RDH10: variants seen among roughly 807,000 people sequenced by gnomAD.
RDH10 encodes the protein retinol dehydrogenase 10 (all-trans).
In RDH10, 12 loss-of-function variants were observed where a neutral mutation model predicts 30.2. The observed-to-expected ratio is 0.40, with a 90% CI of 0.25 to 0.64. RDH10 has a LOEUF of 0.64. RDH10 is among the 30% of genes least tolerant of loss of function. RDH10 has a pLI of 0.43. For synonymous variants in RDH10, 189 were observed against 172.2 expected (o/e 1.10, Z -0.76); for missense variants, 268 against 445.2 (o/e 0.60, Z 3.58).
At position 73,295,332 on chromosome 8, in the gene RDH10, C is replaced by T. The variant is rs1814241446; in HGVS notation, c.43C>T (p.Leu15Phe). ...GTTCTTCGTGGTCACTTTCAAAGTG[C>T]TCTGGGCGTTCGTGCTGGCCGCGGC... Reference protein sequence around the residue: ...VEFFVVTFKVLWAFVLAAARW... With the variant: ...VEFFVVTFKVFWAFVLAAARW... Residue 15 changes from leucine (L) to phenylalanine (F), a missense_variant, in exon 1 of 6, where the codon CTC becomes TTC. Leu to Phe is a conservative substitution (Grantham distance 22, BLOSUM62 0). Transcript: ENST00000240285. 1.9e-6 allele frequency: 3 copies of T among 1,565,358 alleles called. No individual in the cohort carries two copies. The highest frequency in any genetic ancestry group is 2.6e-6 in the Non-Finnish European group (3 of 1,156,722).
At chr8:73,310,706 T>A (rs1318228487) in intron 2 of RDH10, among the ~76,000 whole-genome samples, 1 of 152,234 alleles carries the variant, frequency 6.6e-6, no homozygotes, top group Non-Finnish European at 1.5e-5. Context: ...GTTATTTTCA[T>A]TATTCCATAA....
intron 2 of RDH10, among the ~76,000 whole-genome samples, chr8:73,318,050 G>C (rs1321904580): frequency 1.3e-5 from 2 of 151,770 alleles, no homozygotes; most frequent in African/African-American, 4.8e-5. Flanking sequence ...TGTAGTGTTT[G>C]GTTGTGTGGG....
Position 73,314,139 on chromosome 8 carries a change from TTGCTGGTCTCTATCTCATACA to T in RDH10, c.526-4952_526-4932del, listed in dbSNP as rs562029654. 2.7e-4 allele frequency among the ~76,000 whole-genome samples: 41 copies of T among 152,338 alleles called. No homozygotes were observed. The South Asian group carries it at 7.7e-3, about 28-fold the overall frequency. ...GTCATGGCAACTAGCACTTCACCTT[TTGCTGGTCTCTATCTCATACA>T]TGCTACAATATTTGTGCACATTAAT... On this transcript the variant is annotated intron_variant, in intron 2 of 5. Coordinates refer to ENST00000240285, the MANE Select transcript of RDH10 (RefSeq NM_172037.5).
intron 2 of RDH10, among the ~76,000 whole-genome samples, chr8:73,304,490 C>G (rs1814435206): frequency 6.6e-6 from 1 of 152,212 alleles, no homozygotes; most frequent in Non-Finnish European, 1.5e-5. Flanking sequence ...AGTTTGTTAT[C>G]TGCCTGCTTA....
rs1814235275 is a variant in RDH10, at chr8:73,295,129, C to T, written c.-161C>T. The stretch of plus-strand genomic sequence containing the variant: ...GGCCCCGCGCAGGCAGGGAGCGGCG[C>T]CGCGCACTCCAACCCGGCGGGCACC... On this transcript the variant is annotated 5_prime_UTR_variant, in exon 1 of 6. Transcript: ENST00000240285. 1.6e-5 allele frequency: 9 copies of T among 558,394 alleles called. No homozygotes were observed. In the South Asian group the frequency reaches 3.3e-4, roughly 20 times the overall value. 34.6% of individuals were successfully genotyped at this position (558,394 alleles called of 1,614,324 possible).
intron 2 of RDH10, among the ~76,000 whole-genome samples, chr8:73,301,189 T>C (rs1814368175): frequency 6.6e-6 from 1 of 150,388 alleles, no homozygotes; most frequent in African/African-American, 2.4e-5. Flanking sequence ...TAGCTGGGAC[T>C]ACAGGCGCCC....
chr8:73,300,238 T>C (rs537272083), intron 2 of RDH10: 1 of 152,356 alleles, frequency 6.6e-6, no homozygotes, highest in African/African-American at 2.4e-5. Context: ...TTACAAATCT[T>C]TTGAGAAGTT....
chr8:73,309,627 T>TC (rs1491485154), intron 2 of RDH10, among the ~76,000 whole-genome samples: 319 of 127,728 alleles, frequency 2.5e-3, no homozygotes, highest in Middle Eastern at 4.0e-3. Context: ...TTTTTTTTTT[T>TC]CAATTTCCAG....
intron 1 of RDH10, 185 bp downstream of exon 1, chr8:73,295,763 A>G (rs1256727023): frequency 1.1e-6 from 1 of 919,600 alleles, no homozygotes; most frequent in East Asian, 3.2e-5. Context: ...CTTCTGTATT[A>G]CCAGGGAGAA....
intron 3 of RDH10, 32 bp downstream of exon 3, chr8:73,319,226 A>C: frequency 1.4e-6 from 2 of 1,459,064 alleles, no homozygotes; most frequent in South Asian, 2.3e-5. Flanking sequence ...TCTTTCGTTC[A>C]ATCTGTTTAT....
At chr8:73,297,626 CT>C (rs1814293071) in intron 2 of RDH10, 197 bp downstream of exon 2, 18 of 537,034 alleles carry the variant, frequency 3.4e-5, no homozygotes, top group South Asian at 3.0e-4. Flanking sequence ...CCCGCCACCC[CT>C]AACTCAGTAT....
At chr8:73,315,587 T>A in intron 2 of RDH10, 1 of 455,890 alleles carries the variant, frequency 2.2e-6, no homozygotes. Context: ...GCTGGGGATC[T>A]GGATTAGTCA....
In RDH10 at chr8:73,295,445, C is replaced by T. The variant is rs755300818; in HGVS notation, c.156C>T (p.Phe52=). ...TGAGSGLGRL[F]ALEFARRRAL... ...CCGGCAGCGGCCTGGGCCGCCTCTTCGCGCTGGAGTTCGCCCGGCGTCGGG... is the reference window on the plus strand; with the variant it reads ...CCGGCAGCGGCCTGGGCCGCCTCTTTGCGCTGGAGTTCGCCCGGCGTCGGG... The change falls in exon 1 of 6, where the codon TTC becomes TTT. Residue 52 remains phenylalanine (F), a synonymous_variant. Coordinates refer to ENST00000240285, the MANE Select transcript of RDH10 (RefSeq NM_172037.5). 5 of 1,550,306 alleles carry T rather than the reference C, an allele frequency of 3.2e-6. No homozygotes were observed. Among genetic ancestry groups the T allele is most frequent in the Admixed American group, 3.9e-5 (2 of 51,382 alleles).
chr8:73,322,778 C>T lies in RDH10; in HGVS notation c.870C>T (p.Pro290=). 1 of 1,614,198 alleles carries T rather than the reference C, an allele frequency of 6.2e-7. No homozygotes were observed. Among genetic ancestry groups the T allele is most frequent in the Non-Finnish European group, 8.5e-7 (1 of 1,180,038 alleles). Residue 290 remains proline (P), a synonymous_variant, in exon 5 of 6, where the codon CCC becomes CCT. Coordinates refer to ENST00000240285, the MANE Select transcript of RDH10 (RefSeq NM_172037.5). Reference sequence around the variant, plus strand: ...CTGACCAGCCCATGATCTGCACTCCCCGCCTCATGTACATCGTGACCTTCA... The same window carrying T: ...CTGACCAGCCCATGATCTGCACTCCTCGCCTCATGTACATCGTGACCTTCA... ...ILTDQPMICT[P]RLMYIVTFMK...
intron 2 of RDH10, among the ~76,000 whole-genome samples, chr8:73,299,226 C>A (rs576266516): frequency 3.3e-5 from 5 of 152,314 alleles, no homozygotes; most frequent in Non-Finnish European, 7.3e-5. Flanking sequence ...GTTTGGGCAA[C>A]TTCAGCTTGC....
At position 73,324,987 on chromosome 8, in the gene RDH10, A is replaced by AT. The variant is rs59338659; in HGVS notation, c.*1955dup. ...CAATGGAGGCACTGGCTGCCTCTTA[A>AT]TTTTCAATCATGGACCTAAAGAAGT... On this transcript the variant is annotated 3_prime_UTR_variant, in exon 6 of 6. Transcript: ENST00000240285. 1 of 152,162 alleles carries AT rather than the reference A, an allele frequency of 6.6e-6. No homozygotes were observed. Among genetic ancestry groups the AT allele is most frequent in the Non-Finnish European group, 1.5e-5 (1 of 68,022 alleles). 9.4% of individuals were successfully genotyped at this position (152,162 alleles called of 1,614,324 possible).
chr8:73,324,704 T>G lies in RDH10; in HGVS notation c.*1668T>G, dbSNP rs1025489865. ...GGAAACAGACATTAACAACCTAGGG[T>G]GCCTGCACTCAAATAGCCGATGTTA... On this transcript the variant is annotated 3_prime_UTR_variant, in exon 6 of 6. Coordinates refer to ENST00000240285, the MANE Select transcript of RDH10 (RefSeq NM_172037.5). 6 of 152,038 alleles carry G rather than the reference T, an allele frequency of 3.9e-5. No individual in the cohort carries two copies. The highest frequency in any genetic ancestry group is 7.4e-5 in the Non-Finnish European group (5 of 68,008). The allele number at this position is 152,038 out of a possible 1,614,324, so 9.4% of individuals were successfully genotyped here.
chr8:73,295,225 G>T lies in RDH10; in HGVS notation c.-65G>T. 2 of 1,353,774 alleles carry T rather than the reference G, an allele frequency of 1.5e-6. No individual in the cohort carries two copies. The highest frequency in any genetic ancestry group is 2.0e-6 in the Non-Finnish European group (2 of 1,024,578). 83.9% of individuals were successfully genotyped at this position (1,353,774 alleles called of 1,614,324 possible). A position where few individuals can be genotyped will look rare whatever the true frequency, so the allele number is the denominator to read the frequency against. On this transcript the variant is annotated 5_prime_UTR_variant, in exon 1 of 6. Coordinates refer to ENST00000240285, the MANE Select transcript of RDH10 (RefSeq NM_172037.5). ...ACAAGCGCCCCGGAGCCGGGAGCCC[G>T]ATTGCCGGGCTCGGGGTGGGCGCGG...
chr8:73,322,049 C>T, intron 4 of RDH10: 1 of 454,808 alleles, frequency 2.2e-6, no homozygotes, highest in Non-Finnish European at 4.4e-6. Context: ...AGCTCTGTTT[C>T]CTCCAGTGTA....
Sources: gnomAD v4.1 joint callset for allele counts (sites outside exome capture counted in the v4.1 genomes callset) on GRCh38, gnomAD v4.1.1 for gene constraint, MANE v1.5 for transcripts, NCBI Gene and HGNC (gene_info 2026-07-23, HGNC 2026-07-21) for gene names.